The following EPHB1 variants were observed in gnomAD, a reference collection of about 807,000 sequenced individuals.
EPHB1 encodes the protein EPH receptor B1, also known as ephrin type-B receptor 1.
In EPHB1, 30 loss-of-function variants were observed where a neutral mutation model predicts 94.4. The observed-to-expected ratio is 0.32, with a 90% CI of 0.24 to 0.43. The LOEUF is 0.43. Among genes scored for constraint, EPHB1 ranks in the 20% least tolerant of loss-of-function variants. EPHB1 has a pLI of 1.00. For missense variants in EPHB1, 1,055 were observed against 1,308.3 expected (o/e 0.81, Z 2.99); for synonymous variants, 522 against 489.1 (o/e 1.07, Z -0.89).
At position 135,074,815 on chromosome 3, in the gene EPHB1, G is replaced by T. The variant is rs541758502; in HGVS notation, c.806-31633G>T. ...TGGGGAGCTCTCCTTCTTCCATACT[G>T]CATGTGACCTCTAAGTAAAGGCCAT... On this transcript the variant is annotated intron_variant, in intron 3 of 15. Transcript: ENST00000398015. Among the ~76,000 whole-genome samples, 103 of 152,236 alleles carry T rather than the reference G, an allele frequency of 6.8e-4. 1 individual carries two copies. The highest frequency in any genetic ancestry group is 1.4e-3 in the Non-Finnish European group (93 of 68,010).
At chr3:134,984,365 C>T (rs1934519162) in intron 3 of EPHB1, among the ~76,000 whole-genome samples, 1 of 152,202 alleles carries the variant, frequency 6.6e-6, no homozygotes, top group South Asian at 2.1e-4. Flanking sequence ...CATCTGAGAG[C>T]CCCTCTCCAC....
chr3:135,007,877 G>A (rs973541774), intron 3 of EPHB1, among the ~76,000 whole-genome samples: 10 of 152,196 alleles, frequency 6.6e-5, no homozygotes, highest in Non-Finnish European at 1.5e-4. Flanking sequence ...AGGTCAGGAC[G>A]AAGGGCAGCA....
At chr3:135,132,101 T>G (rs1375990417) in intron 4 of EPHB1, among the ~76,000 whole-genome samples, 1 of 151,960 alleles carries the variant, frequency 6.6e-6, no homozygotes, top group Non-Finnish European at 1.5e-5. Context: ...CCAAAGTGAC[T>G]ACATGAACCT....
At chr3:135,095,013 G>T (rs1938706758) in intron 3 of EPHB1, among the ~76,000 whole-genome samples, 1 of 152,194 alleles carries the variant, frequency 6.6e-6, no homozygotes, top group African/African-American at 2.4e-5. Context: ...CAGACTTGGG[G>T]TGCAGATGCA....
intron 3 of EPHB1, among the ~76,000 whole-genome samples, chr3:135,098,455 C>A (rs776880944): frequency 1.3e-5 from 2 of 152,048 alleles, no homozygotes; most frequent in African/African-American, 2.4e-5. Context: ...GTGCAATATT[C>A]CATTATATGA....
intron 3 of EPHB1, among the ~76,000 whole-genome samples, chr3:135,065,444 A>G (rs1024444074): frequency 6.6e-6 from 1 of 152,186 alleles, no homozygotes; most frequent in South Asian, 2.1e-4. Context: ...AAGGCCTTTT[A>G]CCATTATATA....
intron 1 of EPHB1, among the ~76,000 whole-genome samples, chr3:134,827,233 G>A (rs142671041): frequency 2.3e-3 from 346 of 152,314 alleles, no homozygotes; most frequent in African/African-American, 8.0e-3. Flanking sequence ...TGGTAATGCT[G>A]GGATCTGGCC....
chr3:135,193,836 C>T (rs1942525667), intron 11 of EPHB1, among the ~76,000 whole-genome samples: 1 of 152,204 alleles, frequency 6.6e-6, no homozygotes, highest in Non-Finnish European at 1.5e-5. Flanking sequence ...TCCCCAAGAC[C>T]TCAGTGGCTT....
chr3:134,811,948 C>T (rs904957767), intron 1 of EPHB1, among the ~76,000 whole-genome samples: 6 of 152,266 alleles, frequency 3.9e-5, no homozygotes, highest in Non-Finnish European at 5.9e-5. Context: ...CAGATAAGGA[C>T]GAGAGCACAG....
intron 3 of EPHB1, among the ~76,000 whole-genome samples, chr3:135,070,572 G>A (rs1937671409): frequency 6.6e-6 from 1 of 152,130 alleles, no homozygotes; most frequent in Non-Finnish European, 1.5e-5. Context: ...AGGCCACTGT[G>A]CAAAATGACC....
At chr3:135,007,471 C>A (rs1935463684) in intron 3 of EPHB1, among the ~76,000 whole-genome samples, 1 of 152,162 alleles carries the variant, frequency 6.6e-6, no homozygotes, top group South Asian at 2.1e-4. Flanking sequence ...GAATGATGTG[C>A]AAACTCCAGT....
chr3:134,838,788 C>T (rs1397669249), intron 1 of EPHB1, among the ~76,000 whole-genome samples: 5 of 152,190 alleles, frequency 3.3e-5, no homozygotes, highest in Non-Finnish European at 7.3e-5. Flanking sequence ...AGAGCAGCCA[C>T]CGCCACCTGG....
chr3:134,972,583 G>A lies in EPHB1; in HGVS notation c.805+20531G>A, dbSNP rs139124144. Among the ~76,000 whole-genome samples the A allele has an allele frequency of 7.9e-3, 1,121 of 142,594 alleles. 11 individuals are homozygous for A. The highest frequency in any genetic ancestry group is 0.027 in the African/African-American group (1,055 of 39,544). The allele number at this position is 142,594 out of a possible 152,430, so 93.5% of individuals were successfully genotyped here. On this transcript the variant is annotated intron_variant, in intron 3 of 15. Coordinates refer to ENST00000398015, the MANE Select transcript of EPHB1 (RefSeq NM_004441.5). Reference sequence around the variant, plus strand: ...ATATTATATATTAAATATATATAATGTATATTAAAGAGGTAATGTCAAAAC... The same window carrying A: ...ATATTATATATTAAATATATATAATATATATTAAAGAGGTAATGTCAAAAC...
intron 11 of EPHB1, among the ~76,000 whole-genome samples, chr3:135,195,940 C>T (rs556064636): frequency 0.011 from 1,407 of 130,274 alleles, 10 homozygotes; most frequent in South Asian, 0.021. Flanking sequence ...AACTAGTTTA[C>T]AGTCCCACCA....
intron 1 of EPHB1, among the ~76,000 whole-genome samples, chr3:134,853,768 G>A (rs147032610): frequency 2.0e-5 from 3 of 152,294 alleles, no homozygotes; most frequent in Admixed American, 2.0e-4. Flanking sequence ...GGAGAAAAGA[G>A]AAGGCTTTGG....
intron 1 of EPHB1, among the ~76,000 whole-genome samples, chr3:134,802,232 T>A (rs2035948138): frequency 6.6e-6 from 1 of 150,806 alleles, no homozygotes; most frequent in Non-Finnish European, 1.5e-5. Flanking sequence ...GTCAGGAGAT[T>A]GAGAACATCC....
At chr3:134,962,244 C>T (rs1414080830) in intron 3 of EPHB1, among the ~76,000 whole-genome samples, 1 of 152,178 alleles carries the variant, frequency 6.6e-6, no homozygotes, top group African/African-American at 2.4e-5. Context: ...CCATAAACTG[C>T]CCTGTTCAGG....
intron 3 of EPHB1, among the ~76,000 whole-genome samples, chr3:134,970,396 A>G (rs1167144567): frequency 1.3e-5 from 2 of 152,118 alleles, no homozygotes; most frequent in Admixed American, 1.3e-4. Flanking sequence ...CTTTACTTGA[A>G]TATTATGTTC....
intron 3 of EPHB1, among the ~76,000 whole-genome samples, chr3:135,051,127 T>C (rs1289119656): frequency 1.3e-5 from 2 of 152,132 alleles, no homozygotes; most frequent in African/African-American, 4.8e-5. Context: ...CTTGCCTCAT[T>C]TCGTGAGTAT....
Sources: gnomAD v4.1 joint callset for allele counts (sites outside exome capture counted in the v4.1 genomes callset) on GRCh38, gnomAD v4.1.1 for gene constraint, MANE v1.5 for transcripts, NCBI Gene and HGNC (gene_info 2026-07-23, HGNC 2026-07-21) for gene names.